The following CDC40 variants were observed in gnomAD, a reference collection of about 807,000 sequenced individuals.
CDC40 encodes the protein pre-mRNA-processing factor 17.
CDC40 carries 27 observed loss-of-function variants against 80.6 expected under a neutral mutation model. The observed-to-expected ratio is 0.33, with a 90% confidence interval of 0.25 to 0.46. The LOEUF (loss-of-function observed/expected upper bound fraction) is 0.46, where lower values mean the gene tolerates loss of function less well. Ranked by LOEUF, CDC40 falls within the 20% of genes least tolerant of loss-of-function variation. The pLI is 1.00. For synonymous variants in CDC40, 221 were observed against 232.6 expected, an observed-to-expected ratio of 0.95 and a Z score of 0.45; for missense variants, 486 against 694.1, an observed-to-expected ratio of 0.70 and a Z score of 3.37.
intron 8 of CDC40, among the ~76,000 whole-genome samples, chr6:110,214,997 C>A (rs751987318): frequency 6.6e-6 from 1 of 152,130 alleles, no homozygotes; most frequent in Non-Finnish European, 1.5e-5. Flanking sequence ...TGAAAACTTA[C>A]CTGAATTAAC....
chr6:110,191,090 G>A (rs1777343633), intron 1 of CDC40, among the ~76,000 whole-genome samples: 1 of 152,230 alleles, frequency 6.6e-6, no homozygotes, highest in African/African-American at 2.4e-5. Flanking sequence ...GAATCTTTAA[G>A]AAGTAGAGAA....
chr6:110,215,465 C>A, intron 9 of CDC40, 134 bp downstream of exon 9: 1 of 724,224 alleles, frequency 1.4e-6, no homozygotes, highest in South Asian at 1.7e-5. Flanking sequence ...AAGGAGGAGT[C>A]AGTGTCCCCA....
At chr6:110,199,057 A>G (rs895125133) in intron 2 of CDC40, 1 of 152,232 alleles carries the variant, frequency 6.6e-6, no homozygotes, top group Non-Finnish European at 1.5e-5. Flanking sequence ...AATAGCTACC[A>G]GTAGATGAAT....
intron 12 of CDC40, among the ~76,000 whole-genome samples, chr6:110,220,679 T>G (rs1019137839): frequency 6.6e-6 from 1 of 152,134 alleles, no homozygotes; most frequent in African/African-American, 2.4e-5. Context: ...TTTCCTGACC[T>G]TATGATCCGC....
intron 2 of CDC40, 91 bp from the exon 3 acceptor site, chr6:110,201,466 TG>T: frequency 1.0e-6 from 1 of 966,164 alleles, no homozygotes; most frequent in Admixed American, 2.9e-5. Flanking sequence ...GCCCTTTTTT[TG>T]TACAGTTATT....
intron 12 of CDC40, 125 bp downstream of exon 12, chr6:110,219,994 C>CT: frequency 1.1e-6 from 1 of 896,118 alleles, no homozygotes; most frequent in Non-Finnish European, 1.7e-6. Flanking sequence ...TCCTGGCTTG[C>CT]CAATCAAACT....
intron 9 of CDC40, 105 bp downstream of exon 9, chr6:110,215,436 A>G (rs1777688195): frequency 1.1e-6 from 1 of 890,952 alleles, no homozygotes; most frequent in South Asian, 1.4e-5. Context: ...AACTCTTCAT[A>G]GATTTCAGCT....
chr6:110,222,488 TG>T (rs571272817), intron 12 of CDC40, among the ~76,000 whole-genome samples: 184 of 151,824 alleles, frequency 1.2e-3, no homozygotes, highest in Non-Finnish European at 2.3e-3. Flanking sequence ...ACCCGGGAGG[TG>T]GAGGTTGCAG....
chr6:110,226,844 T>A (rs999672776), intron 13 of CDC40, among the ~76,000 whole-genome samples: 1 of 152,024 alleles, frequency 6.6e-6, no homozygotes, highest in Non-Finnish European at 1.5e-5. Context: ...TAGAGAGACC[T>A]CATCTCTACA....
intron 12 of CDC40, among the ~76,000 whole-genome samples, chr6:110,225,837 T>C (rs1777850957): frequency 6.6e-6 from 1 of 152,266 alleles, no homozygotes; most frequent in Non-Finnish European, 1.5e-5. Context: ...GAGATTTTAG[T>C]GTATCCATCA....
At chr6:110,218,210 G>T (rs1202141103) in intron 10 of CDC40, among the ~76,000 whole-genome samples, 1 of 152,058 alleles carries the variant, frequency 6.6e-6, no homozygotes, top group Non-Finnish European at 1.5e-5. Flanking sequence ...AGGCCAGTTG[G>T]TTTTATATAT....
chr6:110,201,177 A>C (rs1777488588), intron 2 of CDC40, among the ~76,000 whole-genome samples: 1 of 152,214 alleles, frequency 6.6e-6, no homozygotes, highest in Non-Finnish European at 1.5e-5. Flanking sequence ...CTGTTGATAT[A>C]AAAGTCACCC....
chr6:110,198,004 A>G (rs982122127), intron 2 of CDC40, among the ~76,000 whole-genome samples: 2 of 152,056 alleles, frequency 1.3e-5, no homozygotes, highest in Non-Finnish European at 2.9e-5. Flanking sequence ...ACTAATTTCC[A>G]TTCCCACCAA....
chr6:110,225,336 G>T (rs918211873), intron 12 of CDC40, among the ~76,000 whole-genome samples: 1 of 151,770 alleles, frequency 6.6e-6, no homozygotes, highest in Non-Finnish European at 1.5e-5. Flanking sequence ...TTTCAGAAAA[G>T]AATTTTTAGC....
At chr6:110,180,678 A>G in intron 1 of CDC40, 45 bp downstream of exon 1, 1 of 1,444,608 alleles carries the variant, frequency 6.9e-7, no homozygotes, top group South Asian at 1.2e-5. Context: ...TGTTGGCTTC[A>G]GCTCCAGAAC....
intron 2 of CDC40, among the ~76,000 whole-genome samples, chr6:110,194,336 G>C (rs1170526767): frequency 3.9e-5 from 6 of 152,176 alleles, no homozygotes; most frequent in Non-Finnish European, 5.9e-5. Context: ...TATCTTGGGG[G>C]AAAATGATGT....
intron 1 of CDC40, among the ~76,000 whole-genome samples, chr6:110,187,470 A>C (rs1014612401): frequency 6.6e-6 from 1 of 152,148 alleles, no homozygotes; most frequent in Admixed American, 6.5e-5. Flanking sequence ...GTGAGCTTCA[A>C]ATGGACGACC....
intron 10 of CDC40, 146 bp from the exon 11 acceptor site, chr6:110,219,218 A>G (rs1222621921): frequency 4.5e-6 from 2 of 446,754 alleles, no homozygotes; most frequent in Non-Finnish European, 7.9e-6. Context: ...ATCTGTGAAA[A>G]AGAACAAATG....
intron 12 of CDC40, 133 bp from the exon 13 acceptor site, chr6:110,226,034 T>G: frequency 3.3e-6 from 2 of 599,248 alleles, no homozygotes; most frequent in Non-Finnish European, 5.9e-6. Context: ...TCCAGAAAGT[T>G]TCATGAAAGA....
Sources: allele counts gnomAD v4.1 joint callset (sites outside exome capture counted in the v4.1 genomes callset), GRCh38; gene constraint gnomAD v4.1.1; transcripts MANE v1.5; gene names NCBI Gene and HGNC (gene_info 2026-07-23, HGNC 2026-07-21).